The following ADORA2B variants were observed in gnomAD, a reference collection of about 807,000 sequenced individuals.
ADORA2B encodes adenosine A2b receptor, also known as adenosine receptor A2b.
ADORA2B carries 18 observed loss-of-function variants against 20.8 expected under a neutral mutation model. That is an observed-to-expected ratio of 0.87 (90% confidence interval 0.60 to 1.29). The LOEUF is 1.29. Among genes scored for constraint, ADORA2B ranks in the 50% most tolerant of loss-of-function variants. The pLI is 0.00. For synonymous variants in ADORA2B, 179 were observed against 178.3 expected (o/e 1.00, Z -0.03); for missense variants, 441 against 422.7 (o/e 1.04, Z -0.38).
the ADORA2B span, among the ~76,000 whole-genome samples, chr17:15,859,381 A>G: frequency 3.1e-3 from 462 of 150,342 alleles, 1 homozygote; most frequent in Non-Finnish European, 5.4e-3. Context: ...TGTTCTCTTT[A>G]GTGACGTAAA....
At chr17:15,860,230 A>G in the ADORA2B span, among the ~76,000 whole-genome samples, 2 of 152,204 alleles carry the variant, frequency 1.3e-5, no homozygotes, top group South Asian at 2.1e-4. Flanking sequence ...CTCTTGAGAC[A>G]GGAGTCTTGC....
chr17:15,963,637 A>G (rs1466623155), intron 1 of ADORA2B, among the ~76,000 whole-genome samples: 1 of 152,172 alleles, frequency 6.6e-6, no homozygotes. Context: ...TCTGTGTCCC[A>G]TGTGATCCAT....
At chr17:15,921,472 C>T in the ADORA2B span, among the ~76,000 whole-genome samples, 5 of 152,024 alleles carry the variant, frequency 3.3e-5, no homozygotes, top group African/African-American at 7.2e-5. Context: ...TTTCTGTAAT[C>T]GTGTAAATGT....
At chr17:15,965,938 A>G (rs1970110373) in intron 1 of ADORA2B, among the ~76,000 whole-genome samples, 1 of 152,324 alleles carries the variant, frequency 6.6e-6, no homozygotes, top group South Asian at 2.1e-4. Context: ...CAGTTTTAAT[A>G]TCCATGGTGG....
At chr17:15,889,171 C>T in the ADORA2B span, among the ~76,000 whole-genome samples, 2 of 126,262 alleles carry the variant, frequency 1.6e-5, 1 homozygote, top group Non-Finnish European at 3.3e-5. Flanking sequence ...CCCAGCCCAC[C>T]ACTAATATTT....
At chr17:15,949,114 A>G (rs1567776900) in intron 1 of ADORA2B, among the ~76,000 whole-genome samples, 1 of 151,848 alleles carries the variant, frequency 6.6e-6, no homozygotes, top group African/African-American at 2.4e-5. Context: ...AGGCTGAGGC[A>G]GGAGAATCGC....
chr17:15,874,151 T>G, the ADORA2B span, among the ~76,000 whole-genome samples: 8 of 150,532 alleles, frequency 5.3e-5, no homozygotes, highest in Non-Finnish European at 1.0e-4. Context: ...ATGGAATGAA[T>G]GAAATAATGT....
At chr17:15,934,117 G>C in the ADORA2B span, among the ~76,000 whole-genome samples, 33 of 152,080 alleles carry the variant, frequency 2.2e-4, no homozygotes, top group South Asian at 4.1e-3. Flanking sequence ...AGATGATCAT[G>C]TTATTTTTCC....
chr17:15,859,870 G>A, the ADORA2B span, among the ~76,000 whole-genome samples: 1 of 152,184 alleles, frequency 6.6e-6, no homozygotes, highest in African/African-American at 2.4e-5. Context: ...AGCAGAAAGA[G>A]CCTTGAAAGA....
chr17:15,943,110 G>C (rs945551370), upstream of ADORA2B, among the ~76,000 whole-genome samples: 1 of 152,190 alleles, frequency 6.6e-6, no homozygotes, highest in African/African-American at 2.4e-5. Context: ...ACCAGGACAC[G>C]GAATGTGTGG....
At chr17:15,874,847 T>C in the ADORA2B span, among the ~76,000 whole-genome samples, 1 of 152,192 alleles carries the variant, frequency 6.6e-6, no homozygotes, top group Non-Finnish European at 1.5e-5. Context: ...CATTTTAATA[T>C]ATATTCTCAA....
the ADORA2B span, among the ~76,000 whole-genome samples, chr17:15,887,307 G>T: frequency 7.6e-6 from 1 of 130,986 alleles, no homozygotes; most frequent in African/African-American, 3.2e-5. Flanking sequence ...AGTGCCGTCA[G>T]TGCAGATAGT....
intron 1 of ADORA2B, among the ~76,000 whole-genome samples, chr17:15,966,695 C>T (rs923806949): frequency 6.6e-6 from 1 of 152,206 alleles, no homozygotes; most frequent in Non-Finnish European, 1.5e-5. Flanking sequence ...AGCACAGCTC[C>T]GTACACAGTG....
At chr17:15,874,525 C>CA in the ADORA2B span, among the ~76,000 whole-genome samples, 407 of 140,562 alleles carry the variant, frequency 2.9e-3, 3 homozygotes, top group South Asian at 0.031. Context: ...CTGTGTCTAC[C>CA]AAAAAAAAAA....
intron 1 of ADORA2B, among the ~76,000 whole-genome samples, chr17:15,972,824 C>T (rs1484509567): frequency 2.6e-5 from 4 of 152,112 alleles, no homozygotes; most frequent in Non-Finnish European, 5.9e-5. Flanking sequence ...GCAATCACAG[C>T]TCACTGCAGC....
chr17:15,939,280 A>G, the ADORA2B span, among the ~76,000 whole-genome samples: 1 of 151,908 alleles, frequency 6.6e-6, no homozygotes, highest in Middle Eastern at 3.2e-3. Flanking sequence ...TGACCTTGTG[A>G]TCCTCCCTCC....
At chr17:15,896,292 G>A in the ADORA2B span, among the ~76,000 whole-genome samples, 2 of 152,056 alleles carry the variant, frequency 1.3e-5, no homozygotes, top group African/African-American at 2.4e-5. Context: ...TAAATAATAA[G>A]AGACTACAAA....
the ADORA2B span, among the ~76,000 whole-genome samples, chr17:15,933,178 A>G: frequency 3.9e-5 from 6 of 152,136 alleles, no homozygotes; most frequent in Admixed American, 3.3e-4. Flanking sequence ...GATGGTCCCA[A>G]TCTCCTGACC....
the ADORA2B span, among the ~76,000 whole-genome samples, chr17:15,889,608 C>T: frequency 7.7e-5 from 10 of 130,138 alleles, 4 homozygotes; most frequent in African/African-American, 2.6e-4. Context: ...GTTTACTCAG[C>T]CTAGGCCGGA....
Sources: allele counts gnomAD v4.1 joint callset (sites outside exome capture counted in the v4.1 genomes callset), GRCh38; gene constraint gnomAD v4.1.1; transcripts MANE v1.5; gene names NCBI Gene and HGNC (gene_info 2026-07-23, HGNC 2026-07-21).